ST6GALNAC3: variants seen among roughly 807,000 people sequenced by gnomAD.
ST6GALNAC3 encodes alpha-N-acetylgalactosaminide alpha-2,6-sialyltransferase 3.
Under a neutral mutation model 32.7 loss-of-function variants are expected in ST6GALNAC3, and 25 were observed. The ratio of observed to expected loss-of-function variants is 0.76; its 90% confidence interval spans 0.56 to 1.07. The LOEUF (loss-of-function observed/expected upper bound fraction) is 1.07, where lower values mean the gene tolerates loss of function less well. ST6GALNAC3 is among the 50% of genes least tolerant of loss of function. The pLI, the probability that ST6GALNAC3 is intolerant of heterozygous loss-of-function variation, is 0.00. For missense variants in ST6GALNAC3, 355 were observed against 382.4 expected (o/e 0.93, Z 0.60); for synonymous variants, 129 against 133.1 (o/e 0.97, Z 0.21).
At chr1:76,468,916 G>A (rs1200276398) in intron 3 of ST6GALNAC3, among the ~76,000 whole-genome samples, 1 of 152,020 alleles carries the variant, frequency 6.6e-6, no homozygotes, top group Non-Finnish European at 1.5e-5. Flanking sequence ...AAAATACTCT[G>A]AAGTCATGCA....
intron 2 of ST6GALNAC3, among the ~76,000 whole-genome samples, chr1:76,382,891 C>T (rs953644399): frequency 6.6e-6 from 1 of 152,124 alleles, no homozygotes; most frequent in African/African-American, 2.4e-5. Flanking sequence ...AAAGCCTCAA[C>T]ACACAACTTC....
intron 2 of ST6GALNAC3, among the ~76,000 whole-genome samples, chr1:76,318,168 T>C (rs1646901808): frequency 6.6e-6 from 1 of 152,138 alleles, no homozygotes; most frequent in South Asian, 2.1e-4. Flanking sequence ...CTGTTTATTT[T>C]TTTCCCTGAT....
At chr1:76,452,384 G>A (rs1395571602) in intron 3 of ST6GALNAC3, among the ~76,000 whole-genome samples, 1 of 152,122 alleles carries the variant, frequency 6.6e-6, no homozygotes, top group Non-Finnish European at 1.5e-5. Flanking sequence ...CCAGTCTCAG[G>A]TATGTCTTTA....
At chr1:76,615,864 C>G (rs1318355526) in intron 3 of ST6GALNAC3, among the ~76,000 whole-genome samples, 1 of 152,182 alleles carries the variant, frequency 6.6e-6, no homozygotes, top group Non-Finnish European at 1.5e-5. Context: ...TGAAAGTTAT[C>G]TGTCCTGCTT....
chr1:76,316,091 A>G (rs1646859622), intron 2 of ST6GALNAC3, among the ~76,000 whole-genome samples: 1 of 152,160 alleles, frequency 6.6e-6, no homozygotes, highest in African/African-American at 2.4e-5. Context: ...TATACATGAA[A>G]CGCCAGATTG....
rs552076315 is a variant in ST6GALNAC3 at position 76,231,939 on chromosome 1, G to A, written c.19-81866G>A. On this transcript the variant is annotated intron_variant, in intron 1 of 4. Coordinates refer to ENST00000328299, the MANE Select transcript of ST6GALNAC3 (RefSeq NM_152996.4). ...GTTTTAAGCCATTCATAACTGAGGT[G>A]ATTTGTTCTGTGTGATAGCTGAAAC... 3.0e-4 allele frequency among the ~76,000 whole-genome samples: 46 copies of A among 152,296 alleles called. No individual in the cohort carries two copies. In the South Asian group the frequency reaches 9.5e-3, roughly 32 times the overall value.
intron 1 of ST6GALNAC3, among the ~76,000 whole-genome samples, chr1:76,104,137 T>A (rs1647363478): frequency 6.6e-6 from 1 of 152,176 alleles, no homozygotes. Flanking sequence ...GGTTTCTATT[T>A]CTGTTATTTC....
At chr1:76,480,200 T>C (rs937341609) in intron 3 of ST6GALNAC3, among the ~76,000 whole-genome samples, 2 of 152,226 alleles carry the variant, frequency 1.3e-5, no homozygotes, top group Non-Finnish European at 2.9e-5. Context: ...ATTCAACTAC[T>C]GAACTGAAAT....
chr1:76,413,498 G>C (rs1654409477), intron 3 of ST6GALNAC3, among the ~76,000 whole-genome samples: 1 of 152,112 alleles, frequency 6.6e-6, no homozygotes, highest in South Asian at 2.1e-4. Context: ...TATGTGCTCA[G>C]GGAGGTGCAG....
intron 1 of ST6GALNAC3, among the ~76,000 whole-genome samples, chr1:76,134,020 C>T (rs1369146529): frequency 2.0e-5 from 3 of 152,170 alleles, no homozygotes; most frequent in Non-Finnish European, 2.9e-5. Context: ...GCCATTGACA[C>T]ATGTTTAAGC....
At chr1:76,246,161 A>G (rs1657245725) in intron 1 of ST6GALNAC3, among the ~76,000 whole-genome samples, 1 of 152,158 alleles carries the variant, frequency 6.6e-6, no homozygotes, top group Non-Finnish European at 1.5e-5. Context: ...CCATTATGTA[A>G]TGCCCTTCTT....
chr1:76,221,919 G>A (rs138882253), intron 1 of ST6GALNAC3, among the ~76,000 whole-genome samples: 176 of 152,232 alleles, frequency 1.2e-3, no homozygotes, highest in African/African-American at 3.8e-3. Flanking sequence ...AGGTCTTGGC[G>A]TGAGCTTTGA....
Position 76,631,820 on chromosome 1 carries a change from AT to A in ST6GALNAC3, c.*3015del, listed in dbSNP as rs1649313292. ...AATAGACTAAACATTATTTTCTGTT[AT>A]GCATAATTCTATGAAAAAGCAAGGT... is the stretch of plus-strand genomic sequence containing the variant. On this transcript the variant is annotated 3_prime_UTR_variant, in exon 5 of 5. Coordinates refer to ENST00000328299, the MANE Select transcript of ST6GALNAC3 (RefSeq NM_152996.4). The A allele has an allele frequency of 6.6e-6, 1 of 152,088 alleles. No individual in the cohort carries two copies. The highest frequency in any genetic ancestry group is 1.5e-5 in the Non-Finnish European group (1 of 67,994). The allele number at this position is 152,088 out of a possible 1,614,324, so 9.4% of individuals were successfully genotyped here.
At chr1:76,529,288 T>A (rs1440265962) in intron 3 of ST6GALNAC3, among the ~76,000 whole-genome samples, 3 of 152,152 alleles carry the variant, frequency 2.0e-5, no homozygotes, top group Admixed American at 1.3e-4. Flanking sequence ...TCTTCCTTCT[T>A]TAGTCGACCA....
chr1:76,389,403 G>T (rs1379809707), intron 2 of ST6GALNAC3, among the ~76,000 whole-genome samples: 5 of 152,158 alleles, frequency 3.3e-5, no homozygotes, highest in African/African-American at 1.2e-4. Context: ...ATTCAACATG[G>T]AACAGAAGCC....
intron 2 of ST6GALNAC3, among the ~76,000 whole-genome samples, chr1:76,390,946 A>ATTTTTTTTTTTTT (rs58114434): frequency 8.3e-6 from 1 of 120,984 alleles, no homozygotes; most frequent in Non-Finnish European, 1.9e-5. Context: ...ATATATATGT[A>ATTTTTTTTTTTTT]TTTTTTTTTT....
intron 3 of ST6GALNAC3, among the ~76,000 whole-genome samples, chr1:76,426,335 T>C (rs1012507818): frequency 5.3e-5 from 8 of 151,672 alleles, no homozygotes; most frequent in African/African-American, 1.9e-4. Context: ...AGTTGTTGAG[T>C]GGGTAACATG....
intron 1 of ST6GALNAC3, among the ~76,000 whole-genome samples, chr1:76,264,254 A>G (rs146797548): frequency 5.9e-5 from 9 of 152,238 alleles, no homozygotes; most frequent in African/African-American, 1.9e-4. Context: ...GCATAATAGT[A>G]GTGGCTTCAA....
At chr1:76,346,193 G>A (rs1465039215) in intron 2 of ST6GALNAC3, among the ~76,000 whole-genome samples, 3 of 152,078 alleles carry the variant, frequency 2.0e-5, no homozygotes, top group East Asian at 1.9e-4. Context: ...ATACATCGTC[G>A]GCACTTACGC....
Sources: gnomAD v4.1 joint callset for allele counts (sites outside exome capture counted in the v4.1 genomes callset) on GRCh38, gnomAD v4.1.1 for gene constraint, MANE v1.5 for transcripts, NCBI Gene and HGNC (gene_info 2026-07-23, HGNC 2026-07-21) for gene names.